Variants in CD84 observed in about 807,000 individuals in gnomAD.
CD84 encodes CD84 molecule.
In CD84, 22 loss-of-function variants were observed where a neutral mutation model predicts 33.8. The observed-to-expected ratio is 0.65, with a 90% CI of 0.46 to 0.93. The LOEUF is 0.93. Among genes scored for constraint, CD84 ranks in the 40% least tolerant of loss-of-function variants. The pLI, the probability that CD84 is intolerant of heterozygous loss-of-function variation, is 0.00. For synonymous variants in CD84, 154 were observed against 145.2 expected (o/e 1.06, Z -0.44); for missense variants, 400 against 397.6 (o/e 1.01, Z -0.05).
At position 160,545,029 on chromosome 1, in the gene CD84, T is replaced by G. The variant is rs1354275811; in HGVS notation, c.*3227A>C. 2 of 152,190 alleles carry G rather than the reference T, an allele frequency of 1.3e-5. No individual in the cohort carries two copies. The highest frequency in any genetic ancestry group is 3.8e-4 in the East Asian group (2 of 5,196). The allele number at this position is 152,190 out of a possible 1,614,324, so 9.4% of individuals were successfully genotyped here. ...TTGTGGAGGGGAAAATAAGATCACA[T>G]GCATTTTACAGAAGGAAAATCTAAG... is the stretch of plus-strand genomic sequence containing the variant. On this transcript the variant is annotated 3_prime_UTR_variant, in exon 7 of 7. Transcript: ENST00000368054.
intron 1 of CD84, among the ~76,000 whole-genome samples, chr1:160,565,983 T>C (rs573737800): frequency 3.0e-4 from 45 of 152,324 alleles, no homozygotes; most frequent in Non-Finnish European, 3.4e-4. Context: ...ATCCATTTTG[T>C]TAAAAATATT....
chr1:160,548,157 C>A lies in CD84; in HGVS notation c.*99G>T. The A allele has an allele frequency of 7.8e-7, 1 of 1,279,606 alleles. No individual in the cohort carries two copies. Among genetic ancestry groups the A allele is most frequent in the Non-Finnish European group, 1.1e-6 (1 of 886,758 alleles). 79.3% of individuals were successfully genotyped at this position (1,279,606 alleles called of 1,614,324 possible). A position where few individuals can be genotyped will look rare whatever the true frequency, so the allele number is the denominator to read the frequency against. On this transcript the variant is annotated 3_prime_UTR_variant, in exon 7 of 7. Coordinates refer to ENST00000368054, the MANE Select transcript of CD84 (RefSeq NM_003874.4). ...AGGCTGAGATGTGGCAGTTTGCAAT[C>A]TCCCAGTAAGAGTTGGGCAGAGAAG...
chr1:160,561,515 A>G (rs1368735507), intron 2 of CD84, among the ~76,000 whole-genome samples: 2 of 152,236 alleles, frequency 1.3e-5, no homozygotes, highest in Non-Finnish European at 2.9e-5. Flanking sequence ...AACACACCTC[A>G]AAATAATAAG....
chr1:160,551,955 G>A (rs1656259399), intron 4 of CD84, among the ~76,000 whole-genome samples: 1 of 152,202 alleles, frequency 6.6e-6, no homozygotes, highest in Non-Finnish European at 1.5e-5. Flanking sequence ...AGAATGTATA[G>A]GCTAGAAGAG....
At chr1:160,563,595 G>T (rs566037924) in intron 2 of CD84, among the ~76,000 whole-genome samples, 7 of 152,176 alleles carry the variant, frequency 4.6e-5, no homozygotes, top group Admixed American at 3.3e-4. Context: ...TTGGAGAGGG[G>T]TTGGGGGAGA....
chr1:160,570,500 G>T (rs1472901640), intron 1 of CD84, among the ~76,000 whole-genome samples: 1 of 152,056 alleles, frequency 6.6e-6, no homozygotes, highest in Admixed American at 6.5e-5. Context: ...AGCTAACGTT[G>T]GTCATATGAC....
chr1:160,558,325 T>G (rs1013620364), intron 2 of CD84, among the ~76,000 whole-genome samples: 1 of 152,072 alleles, frequency 6.6e-6, no homozygotes, highest in African/African-American at 2.4e-5. Context: ...TCGTGATACC[T>G]CCAGGTATAG....
At chr1:160,568,884 A>C (rs1489661219) in intron 1 of CD84, among the ~76,000 whole-genome samples, 1 of 152,098 alleles carries the variant, frequency 6.6e-6, no homozygotes, top group African/African-American at 2.4e-5. Context: ...GCCTCCCAAA[A>C]TGCTGGGATT....
At position 160,554,155 on chromosome 1, in the gene CD84, G is replaced by A. The variant is rs1410143477; in HGVS notation, c.389-9C>T. 4.4e-6 allele frequency: 7 copies of A among 1,603,830 alleles called. No individual in the cohort carries two copies. The highest frequency in any genetic ancestry group is 4.0e-5 in the African/African-American group (3 of 74,780). On this transcript the variant is annotated splice_polypyrimidine_tract_variant and intron_variant, in intron 2 of 6. Coordinates refer to ENST00000368054, the MANE Select transcript of CD84 (RefSeq NM_003874.4). The stretch of plus-strand genomic sequence containing the variant: ...TGGTTTCCCAAGCCGACCTGTGGGG[G>A]CAAACACATGAGCCAATAGTGAGCT...
chr1:160,573,021 C>A (rs1039383665), intron 1 of CD84, among the ~76,000 whole-genome samples: 1 of 152,126 alleles, frequency 6.6e-6, no homozygotes, highest in African/African-American at 2.4e-5. Flanking sequence ...AAGATGATAA[C>A]CCTGTTTCCC....
At chr1:160,553,643 A>G (rs577092571) in intron 3 of CD84, 146 bp from the exon 4 acceptor site, 110 of 1,051,678 alleles carry the variant, frequency 1.0e-4, no homozygotes, top group East Asian at 2.5e-5. Context: ...ACTTTCTGCT[A>G]TTAAAAGCCA....
chr1:160,556,637 T>C (rs1041319431), intron 2 of CD84, among the ~76,000 whole-genome samples: 4 of 152,354 alleles, frequency 2.6e-5, no homozygotes, highest in East Asian at 1.9e-4. Flanking sequence ...GTATAGTCTA[T>C]ATATTTTTAA....
intron 1 of CD84, 92 bp downstream of exon 1, chr1:160,579,300 C>G: frequency 1.3e-6 from 2 of 1,578,918 alleles, no homozygotes; most frequent in Non-Finnish European, 1.7e-6. Context: ...CTGCTAAACA[C>G]AGATCAAAAA....
At chr1:160,569,116 C>A (rs893639926) in intron 1 of CD84, among the ~76,000 whole-genome samples, 2 of 152,170 alleles carry the variant, frequency 1.3e-5, no homozygotes, top group African/African-American at 4.8e-5. Context: ...TTGGTACATG[C>A]CCTTTGGGCC....
rs1655817208 is a variant in CD84 at position 160,546,136 on chromosome 1, G to C, written c.*2120C>G. On this transcript the variant is annotated 3_prime_UTR_variant, in exon 7 of 7. Coordinates refer to ENST00000368054, the MANE Select transcript of CD84 (RefSeq NM_003874.4). ...CCAGAGTAGCTGGGACTACAGATGT[G>C]TGCCACCACACCTGGCTAATTTCGT... 6.6e-6 allele frequency: 1 copy of C among 152,106 alleles called. No homozygotes were observed. The highest frequency in any genetic ancestry group is 2.4e-5 in the African/African-American group (1 of 41,334). 9.4% of individuals were successfully genotyped at this position (152,106 alleles called of 1,614,324 possible). A position where few individuals can be genotyped will look rare whatever the true frequency, so the allele number is the denominator to read the frequency against.
At chr1:160,553,611 C>T in intron 3 of CD84, 114 bp from the exon 4 acceptor site, 2 of 1,269,182 alleles carry the variant, frequency 1.6e-6, no homozygotes, top group Non-Finnish European at 2.2e-6. Flanking sequence ...CGAAGGAGTG[C>T]CAAAGCTCCT....
intron 2 of CD84, among the ~76,000 whole-genome samples, chr1:160,557,993 A>G (rs1049115709): frequency 7.9e-5 from 12 of 152,216 alleles, no homozygotes; most frequent in African/African-American, 2.9e-4. Context: ...CCTGGGGCAG[A>G]GCTCCTATGG....
intron 2 of CD84, among the ~76,000 whole-genome samples, chr1:160,562,435 A>G (rs1181918419): frequency 6.6e-6 from 1 of 152,180 alleles, no homozygotes; most frequent in Admixed American, 6.6e-5. Context: ...ACCAGCAATT[A>G]TCAGATTTTC....
chr1:160,560,717 G>GA (rs1656896612), intron 2 of CD84, among the ~76,000 whole-genome samples: 1 of 151,816 alleles, frequency 6.6e-6, no homozygotes. Flanking sequence ...TTGGCTTTTT[G>GA]AAAAAATGAG....
Sources: gnomAD v4.1 joint callset for allele counts (sites outside exome capture counted in the v4.1 genomes callset) on GRCh38, gnomAD v4.1.1 for gene constraint, MANE v1.5 for transcripts, NCBI Gene and HGNC (gene_info 2026-07-23, HGNC 2026-07-21) for gene names.